Variants in IPO8 observed in about 807,000 individuals in gnomAD.
IPO8 encodes the protein importin-8.
IPO8 carries 65 observed loss-of-function variants against 141.2 expected under a neutral mutation model. That is an observed-to-expected ratio of 0.46 (90% CI 0.38 to 0.57). IPO8 has a LOEUF of 0.57. IPO8 is among the 20% of genes least tolerant of loss of function. IPO8 has a pLI of 0.00. For missense variants in IPO8, 980 were observed against 1,246.8 expected, an observed-to-expected ratio of 0.79 and a Z score of 3.22; for synonymous variants, 411 against 420.3, an observed-to-expected ratio of 0.98 and a Z score of 0.27.
intron 10 of IPO8, among the ~76,000 whole-genome samples, chr12:30,666,667 A>G (rs778501655): frequency 3.3e-4 from 50 of 152,212 alleles, no homozygotes; most frequent in Admixed American, 5.9e-4. Context: ...GAAACACATT[A>G]TACATATATA....
At chr12:30,693,120 G>A (rs1386734973) in intron 1 of IPO8, among the ~76,000 whole-genome samples, 1 of 152,114 alleles carries the variant, frequency 6.6e-6, no homozygotes, top group Non-Finnish European at 1.5e-5. Flanking sequence ...TCCCTACCGA[G>A]GCCATGTGAA....
rs909557480 is a variant in IPO8, at chr12:30,649,003, A to G, written c.2268+134T>C. 9.3e-6 allele frequency: 5 copies of G among 536,666 alleles called. No homozygotes were observed. The African/African-American group carries it at 9.7e-5, about 10-fold the overall frequency. 33.2% of individuals were successfully genotyped at this position (536,666 alleles called of 1,614,324 possible). A position where few individuals can be genotyped will look rare whatever the true frequency, so the allele number is the denominator to read the frequency against. On this transcript the variant is annotated intron_variant, in intron 20 of 24. Transcript: ENST00000256079. ...CTACCTGGCTCTTTTTGTCATTTAA[A>G]CAGAATTTGCACCAGAAAGCACAAT...
At chr12:30,649,032 T>C (rs929490840) in intron 20 of IPO8, 105 bp downstream of exon 20, 32 of 741,226 alleles carry the variant, frequency 4.3e-5, no homozygotes, top group Non-Finnish European at 6.3e-5. Flanking sequence ...GCACAATCTA[T>C]AGGCTGTCCT....
At chr12:30,665,652 A>G (rs897151482) in intron 12 of IPO8, 77 bp downstream of exon 12, 19 of 876,118 alleles carry the variant, frequency 2.2e-5, no homozygotes, top group African/African-American at 3.4e-5. Context: ...GCTTTAAATT[A>G]GCCATAACTT....
chr12:30,654,263 CAG>C (rs2052766963), intron 17 of IPO8, among the ~76,000 whole-genome samples: 1 of 150,362 alleles, frequency 6.7e-6, no homozygotes. Flanking sequence ...GAAAAAAACA[CAG>C]GGGAAAAGCT....
At chr12:30,680,745 T>A in intron 4 of IPO8, 107 bp from the exon 5 acceptor site, 2 of 844,744 alleles carry the variant, frequency 2.4e-6, no homozygotes, top group Non-Finnish European at 3.5e-6. Flanking sequence ...CAAAACAAAG[T>A]CATTAACATT....
chr12:30,645,490 C>A (rs1290779988), intron 20 of IPO8, among the ~76,000 whole-genome samples: 1 of 150,132 alleles, frequency 6.7e-6, no homozygotes, highest in African/African-American at 2.5e-5. Flanking sequence ...GGAAAAAGAA[C>A]AACTAAACAA....
rs1229001688 is a variant in IPO8 at position 30,695,761 on chromosome 12, A to AC, written c.-115dup. On this transcript the variant is annotated 5_prime_UTR_variant, in exon 1 of 25. It removes the in-frame stop codon of an upstream open reading frame in the 5' UTR. Transcript: ENST00000256079. The surrounding 1 kb of genome is among the most constrained non-coding windows in gnomAD (Gnocchi z 4.2). The stretch of plus-strand genomic sequence containing the variant: ...CGACCCCTGGATTACCTCACACCCC[A>AC]CCCCCCGCCACCGTCGCCACCTGCG... 2 of 802,122 alleles carry AC rather than the reference A, an allele frequency of 2.5e-6. No individual in the cohort carries two copies. Among genetic ancestry groups the AC allele is most frequent in the Non-Finnish European group, 3.6e-6 (2 of 558,504 alleles). 49.7% of individuals were successfully genotyped at this position (802,122 alleles called of 1,614,324 possible). A position where few individuals can be genotyped will look rare whatever the true frequency, so the allele number is the denominator to read the frequency against.
intron 20 of IPO8, among the ~76,000 whole-genome samples, chr12:30,641,493 C>CTTTTTTTTTTTTTTTTTTTTTTT (rs58656525): frequency 4.4e-5 from 6 of 135,050 alleles, no homozygotes; most frequent in Non-Finnish European, 4.7e-5. Flanking sequence ...TAAGCTATTT[C>CTTTTTTTTTTTTTTTTTTTTTTT]TTTTTTTTTT....
At chr12:30,682,684 T>G (rs962720518) in intron 3 of IPO8, among the ~76,000 whole-genome samples, 2 of 152,054 alleles carry the variant, frequency 1.3e-5, no homozygotes, top group African/African-American at 4.8e-5. Context: ...TTCAAATGGT[T>G]AGAAAACAAA....
intron 14 of IPO8, among the ~76,000 whole-genome samples, chr12:30,662,974 C>T (rs10743728): frequency 0.55 from 83,127 of 152,036 alleles, 23,335 homozygotes; most frequent in African/African-American, 0.67. Context: ...ACTACGTTCA[C>T]GTTCTTCATA....
rs1350743607 is a variant in IPO8, at chr12:30,695,467, T to A, written c.84+97A>T. ...CCGTGAGGCGTCAGCCCCAGCCCGG[T>A]GGGGGTGAGGACGAGGGGCGCCGGG... On this transcript the variant is annotated intron_variant, in intron 1 of 24. Transcript: ENST00000256079. The surrounding 1 kb of genome is among the most constrained non-coding windows in gnomAD (Gnocchi z 4.2). The A allele has an allele frequency of 9.5e-7, 1 of 1,055,164 alleles. No homozygotes were observed. Among genetic ancestry groups the A allele is most frequent in the Non-Finnish European group, 1.4e-6 (1 of 696,250 alleles). 65.4% of individuals were successfully genotyped at this position (1,055,164 alleles called of 1,614,324 possible). A position where few individuals can be genotyped will look rare whatever the true frequency, so the allele number is the denominator to read the frequency against.
At chr12:30,636,254 T>G (rs1215270687) in intron 22 of IPO8, among the ~76,000 whole-genome samples, 1 of 152,092 alleles carries the variant, frequency 6.6e-6, no homozygotes, top group Non-Finnish European at 1.5e-5. Context: ...TAGAGCTGTA[T>G]GTTTACCAGG....
In IPO8 at chr12:30,695,851, T is replaced by G. The variant is rs1334021794; in HGVS notation, c.-204A>C. The G allele has an allele frequency of 1.6e-5, 8 of 507,904 alleles. No individual in the cohort carries two copies. Among genetic ancestry groups the G allele is most frequent in the Non-Finnish European group, 2.8e-5 (8 of 287,890 alleles). The allele number at this position is 507,904 out of a possible 1,614,324, so 31.5% of individuals were successfully genotyped here. On this transcript the variant is annotated 5_prime_UTR_variant, in exon 1 of 25. Transcript: ENST00000256079. The surrounding 1 kb of genome is among the most constrained non-coding windows in gnomAD (Gnocchi z 4.2). ...TCCCTTTTTCCCCCCCACAACTCGC[T>G]CTCCATTCACCGTTTTACGACAGCC...
chr12:30,669,305 ACG>A, intron 9 of IPO8, 23 bp from the exon 10 acceptor site: 5 of 1,032,092 alleles, frequency 4.8e-6, no homozygotes, highest in East Asian at 2.7e-5. Context: ...AAAAAAAAAA[ACG>A]TAACAAATGG....
Position 30,680,497 on chromosome 12 carries a change from A to G in IPO8, c.624T>C (p.Phe208=), listed in dbSNP as rs1382177392. 1 of 1,610,902 alleles carries G rather than the reference A, an allele frequency of 6.2e-7. No homozygotes were observed. Among genetic ancestry groups the G allele is most frequent in the Admixed American group, 1.7e-5 (1 of 59,616 alleles). The change falls in exon 5 of 25, where the codon TTT becomes TTC. Residue 208 remains phenylalanine, a synonymous_variant. Coordinates refer to ENST00000256079, the MANE Select transcript of IPO8 (RefSeq NM_006390.4). ...VLLQKQILKI[F]YALVQYALPL... is the part of the protein sequence containing the mutation. The stretch of plus-strand genomic sequence containing the variant: ...AGAAACCTACCTGAACAAGTGCATA[A>G]AAGATTTTCAGAATTTGTTTCTGCA...
At chr12:30,659,361 G>A (rs867521831) in intron 16 of IPO8, among the ~76,000 whole-genome samples, 1 of 151,944 alleles carries the variant, frequency 6.6e-6, no homozygotes, top group African/African-American at 2.4e-5. Flanking sequence ...GTGGTGGCAG[G>A]CAGCTACTCG....
chr12:30,678,860 G>A (rs1035684749), intron 5 of IPO8, among the ~76,000 whole-genome samples: 2 of 152,096 alleles, frequency 1.3e-5, no homozygotes, highest in African/African-American at 2.4e-5. Context: ...TTTTATTTGA[G>A]GCGGAGTCTC....
At chr12:30,686,490 G>A (rs944413272) in intron 2 of IPO8, 4 of 152,284 alleles carry the variant, frequency 2.6e-5, no homozygotes, top group East Asian at 1.9e-4. Context: ...TGGGAATACA[G>A]GCGTGCACCA....
Sources: gnomAD v4.1 joint callset for allele counts (sites outside exome capture counted in the v4.1 genomes callset) on GRCh38, gnomAD v4.1.1 for gene constraint, Gnocchi (gnomAD v3.1) non-coding constraint, MANE v1.5 for transcripts, NCBI Gene and HGNC (gene_info 2026-07-23, HGNC 2026-07-21) for gene names.